ZC3H12B: variants seen among roughly 807,000 people sequenced by gnomAD.
ZC3H12B encodes zinc finger CCCH-type containing 12B.
A neutral mutation model predicts 43.9 loss-of-function variants in ZC3H12B; 7 were observed. The observed-to-expected ratio is 0.16, with a 90% CI of 0.09 to 0.30. The LOEUF is 0.30. ZC3H12B is among the 10% of genes least tolerant of loss of function. The probability of loss-of-function intolerance (pLI) is 1.00; values close to 1 mark genes in which losing one functional copy is unlikely to be tolerated. For missense variants in ZC3H12B, 475 were observed against 670.2 expected (o/e 0.71, Z 3.22); for synonymous variants, 222 against 241.7 (o/e 0.92, Z 0.76).
the ZC3H12B span, among the ~76,000 whole-genome samples, chrX:65,163,182 G>T: frequency 2.7e-5 from 3 of 111,226 alleles, no homozygotes; most frequent in East Asian, 8.6e-4. Flanking sequence ...CCCCTACTGG[G>T]GGGTGCCTCC....
the ZC3H12B span, among the ~76,000 whole-genome samples, chrX:65,041,817 G>A: frequency 1.6e-4 from 18 of 111,939 alleles, 1 homozygote; most frequent in South Asian, 5.5e-3. Context: ...TATTGGTACT[G>A]ATTTGTTCTA....
chrX:65,478,966 A>T (rs780548237), intron 3 of ZC3H12B, among the ~76,000 whole-genome samples: 49 of 112,168 alleles, frequency 4.4e-4, no homozygotes, highest in Admixed American at 6.7e-4. Flanking sequence ...CCCATCAGGC[A>T]GCTGTGATAT....
chrX:65,218,204 C>T, the ZC3H12B span, among the ~76,000 whole-genome samples: 1 of 112,146 alleles, frequency 8.9e-6, no homozygotes, highest in Non-Finnish European at 1.9e-5. Flanking sequence ...AGAGGCAGGG[C>T]TAACTTGCAG....
the ZC3H12B span, among the ~76,000 whole-genome samples, chrX:65,327,460 C>G: frequency 9.0e-6 from 1 of 111,008 alleles, no homozygotes; most frequent in South Asian, 3.7e-4. Context: ...GACACAAATA[C>G]AAAAACCACG....
chrX:65,451,093 G>C (rs980414605), intron 3 of ZC3H12B, among the ~76,000 whole-genome samples: 1 of 107,943 alleles, frequency 9.3e-6, no homozygotes, highest in Non-Finnish European at 1.9e-5. Context: ...AATTACAGGC[G>C]CATGCCACCA....
At chrX:65,140,993 T>C in the ZC3H12B span, among the ~76,000 whole-genome samples, 19 of 111,930 alleles carry the variant, frequency 1.7e-4, no homozygotes, top group African/African-American at 5.8e-4. Flanking sequence ...TTCTGTTTTA[T>C]GTTTTCAAAA....
the ZC3H12B span, among the ~76,000 whole-genome samples, chrX:65,052,572 A>G: frequency 9.0e-6 from 1 of 111,385 alleles, no homozygotes; most frequent in Middle Eastern, 4.6e-3. Flanking sequence ...TAACATAATG[A>G]TCTCCAGTTC....
chrX:65,129,772 A>T, the ZC3H12B span, among the ~76,000 whole-genome samples: 1 of 110,615 alleles, frequency 9.0e-6, no homozygotes, highest in East Asian at 2.9e-4. Flanking sequence ...GGGGGATGGT[A>T]TGAGAGATAA....
At chrX:65,497,337 G>T in intron 2 of ZC3H12B, 66 bp downstream of exon 7, 1 of 1,004,260 alleles carries the variant, frequency 1.0e-6, no homozygotes, top group Non-Finnish European at 1.3e-6. Context: ...TTTGGGGATG[G>T]TCCCAATTTA....
At chrX:65,195,964 C>T in the ZC3H12B span, among the ~76,000 whole-genome samples, 8 of 111,968 alleles carry the variant, frequency 7.1e-5, no homozygotes, top group Non-Finnish European at 1.5e-4. Context: ...ATGCAAGCCT[C>T]ACTTTTTGAT....
the ZC3H12B span, among the ~76,000 whole-genome samples, chrX:65,152,777 C>A: frequency 8.9e-6 from 1 of 111,749 alleles, no homozygotes; most frequent in Non-Finnish European, 1.9e-5. Flanking sequence ...ATTGCCAAGT[C>A]AATCCTAAGC....
chrX:65,251,720 T>A, the ZC3H12B span, among the ~76,000 whole-genome samples: 6 of 111,689 alleles, frequency 5.4e-5, no homozygotes, highest in African/African-American at 2.0e-4. Flanking sequence ...GGGAGTTCAC[T>A]CATGATTTGG....
the ZC3H12B span, among the ~76,000 whole-genome samples, chrX:65,075,106 C>G: frequency 8.9e-6 from 1 of 111,809 alleles, no homozygotes; most frequent in Non-Finnish European, 1.9e-5. Context: ...CACAAATCAG[C>G]CTAATTAGAG....
the ZC3H12B span, among the ~76,000 whole-genome samples, chrX:65,294,667 G>A: frequency 1.8e-5 from 2 of 111,628 alleles, no homozygotes; most frequent in African/African-American, 6.5e-5. Flanking sequence ...GATATTCCAT[G>A]CAAATGTACA....
chrX:65,289,661 C>G, the ZC3H12B span, among the ~76,000 whole-genome samples: 1 of 110,002 alleles, frequency 9.1e-6, no homozygotes, highest in Admixed American at 9.8e-5. Flanking sequence ...ATCCATGGAA[C>G]AGAATAGAGA....
At chrX:65,240,974 C>A in the ZC3H12B span, among the ~76,000 whole-genome samples, 480 of 111,558 alleles carry the variant, frequency 4.3e-3, 3 homozygotes, top group African/African-American at 0.015. Flanking sequence ...CCCAGACGCT[C>A]CTGTAGGAGG....
chrX:65,078,681 G>A, the ZC3H12B span, among the ~76,000 whole-genome samples: 1 of 111,214 alleles, frequency 9.0e-6, no homozygotes, highest in Non-Finnish European at 1.9e-5. Context: ...GACAATACAT[G>A]GTATGGAGAC....
chrX:65,328,961 G>T, the ZC3H12B span, among the ~76,000 whole-genome samples: 1 of 109,825 alleles, frequency 9.1e-6, no homozygotes, highest in African/African-American at 3.3e-5. Context: ...TTGGACATTT[G>T]GGTTGGTTCC....
At chrX:65,098,105 A>G in the ZC3H12B span, among the ~76,000 whole-genome samples, 4 of 110,807 alleles carry the variant, frequency 3.6e-5, no homozygotes, top group Middle Eastern at 4.6e-3. Context: ...CCTTTCTTAA[A>G]CTAACTCTTA....
Sources: gnomAD v4.1 joint callset for allele counts (sites outside exome capture counted in the v4.1 genomes callset) on GRCh38, gnomAD v4.1.1 for gene constraint, MANE v1.5 for transcripts, NCBI Gene and HGNC (gene_info 2026-07-23, HGNC 2026-07-21) for gene names.